Variants in SPOCK3 observed in about 807,000 individuals in gnomAD.
SPOCK3 encodes SPARC (osteonectin), cwcv and kazal like domains proteoglycan 3.
Under a neutral mutation model 56.6 loss-of-function variants are expected in SPOCK3, and 30 were observed. The observed-to-expected ratio is 0.53, with a 90% CI of 0.40 to 0.72. SPOCK3 has a LOEUF of 0.72. SPOCK3 is among the 30% of genes least tolerant of loss of function. The probability of loss-of-function intolerance (pLI) is 0.00; values close to 1 mark genes in which losing one functional copy is unlikely to be tolerated. For missense variants in SPOCK3, 527 were observed against 530.0 expected (o/e 0.99, Z 0.06); for synonymous variants, 196 against 183.3 (o/e 1.07, Z -0.56).
At chr4:167,079,730 A>G (rs1757544579) in intron 2 of SPOCK3, among the ~76,000 whole-genome samples, 2 of 152,016 alleles carry the variant, frequency 1.3e-5, no homozygotes, top group Non-Finnish European at 2.9e-5. Flanking sequence ...AGCAAATTCG[A>G]TATCAAACAC....
chr4:167,063,633 G>A (rs1372808282), intron 2 of SPOCK3, among the ~76,000 whole-genome samples: 3 of 151,760 alleles, frequency 2.0e-5, no homozygotes, highest in Non-Finnish European at 2.9e-5. Flanking sequence ...CCTGAATAGC[G>A]TACATTGTTC....
chr4:167,058,838 A>G (rs1755227506), intron 3 of SPOCK3, among the ~76,000 whole-genome samples: 1 of 152,210 alleles, frequency 6.6e-6, no homozygotes, highest in East Asian at 1.9e-4. Flanking sequence ...GCCCTCAGAA[A>G]TAACGCCATG....
chr4:166,981,083 G>T (rs1308206659), intron 4 of SPOCK3, among the ~76,000 whole-genome samples: 1 of 152,220 alleles, frequency 6.6e-6, no homozygotes, highest in Non-Finnish European at 1.5e-5. Flanking sequence ...GCTCTTAGGA[G>T]ACCTGAAATG....
chr4:167,179,745 G>C (rs1038848762), intron 2 of SPOCK3, among the ~76,000 whole-genome samples: 1 of 152,090 alleles, frequency 6.6e-6, no homozygotes, highest in Admixed American at 6.6e-5. Context: ...TTCATTCACG[G>C]TATGTAAGAG....
chr4:166,899,825 A>G (rs990312340), intron 5 of SPOCK3, among the ~76,000 whole-genome samples: 2 of 152,130 alleles, frequency 1.3e-5, no homozygotes, highest in South Asian at 2.1e-4. Context: ...CCTGTTTACT[A>G]TATTTCTTAG....
intron 4 of SPOCK3, among the ~76,000 whole-genome samples, chr4:166,948,777 T>C (rs1742116816): frequency 6.6e-6 from 1 of 152,088 alleles, no homozygotes. Flanking sequence ...CCCTTAACAT[T>C]TTTTCCTTCA....
At position 166,807,602 on chromosome 4, in the gene SPOCK3, G is replaced by A. The variant is rs529542377; in HGVS notation, c.590-15313C>T. ...ACCACTGCTGCCAGTTGAGCAGAGTGAAGGAGGCACTCAACAATACCTTTT... is the reference window on the plus strand; with the variant it reads ...ACCACTGCTGCCAGTTGAGCAGAGTAAAGGAGGCACTCAACAATACCTTTT... On this transcript the variant is annotated intron_variant, in intron 6 of 10. Coordinates refer to ENST00000357545, the MANE Select transcript of SPOCK3 (RefSeq NM_001040159.2). Among the ~76,000 whole-genome samples the A allele has an allele frequency of 5.3e-5, 8 of 152,254 alleles. No individual in the cohort carries two copies. In the South Asian group the frequency reaches 1.2e-3, roughly 24 times the overall value.
At chr4:167,212,430 C>A (rs563214877) in intron 2 of SPOCK3, among the ~76,000 whole-genome samples, 1 of 151,714 alleles carries the variant, frequency 6.6e-6, no homozygotes, top group Non-Finnish European at 1.5e-5. Flanking sequence ...TTTGTAGAGC[C>A]GGGGTTTCAT....
chr4:166,891,473 T>G (rs1474665814), intron 5 of SPOCK3, among the ~76,000 whole-genome samples: 1 of 151,954 alleles, frequency 6.6e-6, no homozygotes, highest in African/African-American at 2.4e-5. Flanking sequence ...CAACAAATGA[T>G]TAAAAATTAT....
chr4:167,160,454 T>C (rs1487210203), intron 2 of SPOCK3, among the ~76,000 whole-genome samples: 1 of 152,172 alleles, frequency 6.6e-6, no homozygotes, highest in South Asian at 2.1e-4. Flanking sequence ...ATCGTGAAGA[T>C]GGCCATACTG....
chr4:166,933,639 T>C (rs1740048756), intron 4 of SPOCK3, among the ~76,000 whole-genome samples: 1 of 152,204 alleles, frequency 6.6e-6, no homozygotes, highest in Non-Finnish European at 1.5e-5. Flanking sequence ...CACCAACTGC[T>C]CTGCTAGAAA....
At chr4:166,954,172 G>T (rs1369838605) in intron 4 of SPOCK3, among the ~76,000 whole-genome samples, 2 of 152,016 alleles carry the variant, frequency 1.3e-5, no homozygotes, top group East Asian at 1.9e-4. Context: ...TTTTATAATA[G>T]GTTGGTGCAA....
chr4:166,965,050 A>C (rs545179548), intron 4 of SPOCK3, among the ~76,000 whole-genome samples: 1 of 152,050 alleles, frequency 6.6e-6, no homozygotes, highest in African/African-American at 2.4e-5. Flanking sequence ...CTTTTTTGAA[A>C]AAGCCCCTAA....
chr4:166,976,936 A>C (rs1746014779), intron 4 of SPOCK3, among the ~76,000 whole-genome samples: 1 of 151,702 alleles, frequency 6.6e-6, no homozygotes, highest in Non-Finnish European at 1.5e-5. Context: ...TTAATAATTA[A>C]ATTTATTTAA....
intron 4 of SPOCK3, among the ~76,000 whole-genome samples, chr4:166,985,190 G>A (rs1747013089): frequency 6.6e-6 from 1 of 152,024 alleles, no homozygotes; most frequent in Non-Finnish European, 1.5e-5. Context: ...GGTACCTTTG[G>A]ATTGTTTGAA....
intron 6 of SPOCK3, among the ~76,000 whole-genome samples, chr4:166,840,063 A>C (rs952605307): frequency 6.6e-6 from 1 of 152,162 alleles, no homozygotes; most frequent in African/African-American, 2.4e-5. Context: ...AGCTCCATTG[A>C]CCTCCTCAGT....
chr4:166,918,048 A>G (rs988848970), intron 4 of SPOCK3, among the ~76,000 whole-genome samples: 1 of 152,168 alleles, frequency 6.6e-6, no homozygotes, highest in African/African-American at 2.4e-5. Flanking sequence ...AAATTCTGCC[A>G]GAGTTGTGGT....
rs570269509 is a variant in SPOCK3 at position 166,871,241 on chromosome 4, A to C, written c.589+17889T>G. The stretch of plus-strand genomic sequence containing the variant: ...GAAGTCAATGTAACTAAAACAATAA[A>C]TCAATAAATAAAATCAATGAAACCA... On this transcript the variant is annotated intron_variant, in intron 6 of 10. Coordinates refer to ENST00000357545, the MANE Select transcript of SPOCK3 (RefSeq NM_001040159.2). 9.9e-4 allele frequency among the ~76,000 whole-genome samples: 150 copies of C among 152,234 alleles called. No homozygotes were observed. The Middle Eastern group carries it at 0.024, about 24-fold the overall frequency.
intron 2 of SPOCK3, among the ~76,000 whole-genome samples, chr4:167,202,654 T>A (rs1337193113): frequency 6.6e-6 from 1 of 151,624 alleles, no homozygotes; most frequent in Non-Finnish European, 1.5e-5. Context: ...ATCTCAACTG[T>A]GAAGGGTAGA....
Sources: gnomAD v4.1 joint callset for allele counts (sites outside exome capture counted in the v4.1 genomes callset) on GRCh38, gnomAD v4.1.1 for gene constraint, MANE v1.5 for transcripts, NCBI Gene and HGNC (gene_info 2026-07-23, HGNC 2026-07-21) for gene names.